The following SIRT1 variants were observed in gnomAD, a reference collection of about 807,000 sequenced individuals.
SIRT1 encodes sirtuin 1.
SIRT1 carries 24 observed loss-of-function variants against 67.9 expected under a neutral mutation model. The ratio of observed to expected loss-of-function variants is 0.35; its 90% CI spans 0.26 to 0.50. The LOEUF is 0.50. Ranked by LOEUF, SIRT1 falls within the 20% of genes least tolerant of loss-of-function variation. SIRT1 has a pLI of 0.98. For synonymous variants in SIRT1, 378 were observed against 350.7 expected (o/e 1.08, Z -0.87); for missense variants, 873 against 937.2 (o/e 0.93, Z 0.89).
intron 7 of SIRT1, among the ~76,000 whole-genome samples, chr10:67,911,851 T>C (rs1197211079): frequency 2.9e-5 from 4 of 136,690 alleles, no homozygotes; most frequent in Non-Finnish European, 6.2e-5. Context: ...TGATCTCGGC[T>C]CACTGCAGTC....
At chr10:67,886,509 T>A (rs1369778215) in intron 1 of SIRT1, among the ~76,000 whole-genome samples, 3 of 143,040 alleles carry the variant, frequency 2.1e-5, no homozygotes, top group Non-Finnish European at 4.5e-5. Flanking sequence ...TGAGCTGTGA[T>A]CCTGCCACTG....
chr10:67,897,797 C>CT (rs1842681178), intron 4 of SIRT1, among the ~76,000 whole-genome samples: 1 of 151,982 alleles, frequency 6.6e-6, no homozygotes, highest in Non-Finnish European at 1.5e-5. Flanking sequence ...TTCGCCCAGC[C>CT]TGCACTGTGT....
In SIRT1 at chr10:67,884,684, A is replaced by AGGAGGCGAG; in HGVS notation, c.-32_-24dup. ...AGTGCCGCGCGTCGAGCGGGAGCAGAGGAGGCGAGGGAGGAGGGCCAGAGA... is the reference window on the plus strand; with the variant it reads ...AGTGCCGCGCGTCGAGCGGGAGCAGAGGAGGCGAGGGAGGCGAGGGAGGAGGGCCAGAGA... On this transcript the variant is annotated 5_prime_UTR_variant, in exon 1 of 9. Transcript: ENST00000212015. The AGGAGGCGAG allele has an allele frequency of 8.2e-7, 1 of 1,226,500 alleles. No individual in the cohort carries two copies. Among genetic ancestry groups the AGGAGGCGAG allele is most frequent in the Non-Finnish European group, 1.0e-6 (1 of 984,710 alleles). The allele number at this position is 1,226,500 out of a possible 1,614,324, so 76.0% of individuals were successfully genotyped here. A position where few individuals can be genotyped will look rare whatever the true frequency, so the allele number is the denominator to read the frequency against.
intron 4 of SIRT1, among the ~76,000 whole-genome samples, chr10:67,901,795 CTAAGCAT>C (rs34216645): frequency 0.029 from 4,450 of 152,228 alleles, 224 homozygotes; most frequent in African/African-American, 0.1. Context: ...AGGCTGTGAG[CTAAGCAT>C]TAAGCATTAA....
chr10:67,888,300 A>AATTT (rs951657993), intron 2 of SIRT1, among the ~76,000 whole-genome samples: 1 of 152,084 alleles, frequency 6.6e-6, no homozygotes, highest in African/African-American at 2.4e-5. Flanking sequence ...TGGTGTCTGT[A>AATTT]ATTTATTTAT....
chr10:67,885,334 G>T, intron 1 of SIRT1, 183 bp downstream of exon 1: 1 of 1,239,522 alleles, frequency 8.1e-7, no homozygotes, highest in Non-Finnish European at 1.0e-6. Context: ...CGAGCTGCCA[G>T]TGGATTCGCT....
intron 4 of SIRT1, among the ~76,000 whole-genome samples, chr10:67,899,724 A>G (rs754553217): frequency 3.0e-4 from 46 of 152,256 alleles, no homozygotes; most frequent in Non-Finnish European, 6.5e-4. Context: ...TGAGTCTCCT[A>G]TTGATAGGTA....
At chr10:67,911,233 G>C (rs185300503) in intron 7 of SIRT1, among the ~76,000 whole-genome samples, 339 of 152,290 alleles carry the variant, frequency 2.2e-3, no homozygotes, top group African/African-American at 7.9e-3. Flanking sequence ...TCTTGCTGTA[G>C]CTCAGGCTAG....
chr10:67,891,586 C>G, intron 4 of SIRT1, 32 bp downstream of exon 4: 1 of 1,606,546 alleles, frequency 6.2e-7, no homozygotes. Context: ...GTTTCTTTGG[C>G]CTTCTCTCAT....
chr10:67,905,154 A>G (rs531705391), intron 4 of SIRT1, among the ~76,000 whole-genome samples: 73 of 152,316 alleles, frequency 4.8e-4, no homozygotes, highest in African/African-American at 1.8e-3. Context: ...GTTGCCTAGC[A>G]TATTCTCATA....
At position 67,887,446 on chromosome 10, in the gene SIRT1, A is replaced by G. The variant is rs1451869566; in HGVS notation, c.460A>G (p.Thr154Ala). 6.2e-6 allele frequency: 10 copies of G among 1,613,572 alleles called. No individual in the cohort carries two copies. Among genetic ancestry groups the G allele is most frequent in the Admixed American group, 3.3e-5 (2 of 59,972 alleles). The change falls in exon 2 of 9, where the codon ACT becomes GCT. Residue 154 changes from threonine (T) to alanine (A), a missense_variant. Physicochemically the swap from Thr to Ala is moderately conservative, Grantham distance 58. This residue lies in a region of SIRT1 where 327 missense variants were observed against 283.9 expected (regional missense o/e 1.15). Coordinates refer to ENST00000212015, the MANE Select transcript of SIRT1 (RefSeq NM_012238.5). Reference sequence around the variant, plus strand: ...CCTTCTGTTCGGTGATGAAATTATCACTAATGGTTTTCATTCCTGTGAAAG... The same window carrying G: ...CCTTCTGTTCGGTGATGAAATTATCGCTAATGGTTTTCATTCCTGTGAAAG... ...DNLLFGDEII[T>A]NGFHSCESDE...
Position 67,908,204 on chromosome 10 carries a change from C to G in SIRT1, c.1170+79C>G. The G allele has an allele frequency of 4.2e-6, 5 of 1,191,780 alleles. No individual in the cohort carries two copies. The South Asian group carries it at 6.5e-5, about 16-fold the overall frequency. 73.8% of individuals were successfully genotyped at this position (1,191,780 alleles called of 1,614,324 possible). On this transcript the variant is annotated intron_variant, in intron 6 of 8. Transcript: ENST00000212015. ...TTTTGCCTCAAAATCCTTTTTTACC[C>G]CTTTAAAGTATATATGGTACAGAAA...
intron 4 of SIRT1, among the ~76,000 whole-genome samples, chr10:67,902,993 A>G (rs929250153): frequency 4.6e-5 from 7 of 152,140 alleles, no homozygotes; most frequent in Non-Finnish European, 1.0e-4. Context: ...TGGGAGGCTG[A>G]GGTGGGAGAA....
chr10:67,900,331 A>G (rs1409259214), intron 4 of SIRT1, among the ~76,000 whole-genome samples: 1 of 151,620 alleles, frequency 6.6e-6, no homozygotes, highest in Non-Finnish European at 1.5e-5. Context: ...TTTAGTAGAG[A>G]TGGGGGTTTC....
At position 67,912,628 on chromosome 10, in the gene SIRT1, T is replaced by G. The variant is rs201214173; in HGVS notation, c.1512T>G (p.Pro504=). The G allele has an allele frequency of 1.5e-5, 24 of 1,614,170 alleles. No individual in the cohort carries two copies. In the East Asian group the frequency reaches 5.1e-4, roughly 34 times the overall value. The change falls in exon 8 of 9, where the codon CCT becomes CCG. Residue 504 remains proline, a synonymous_variant. Transcript: ENST00000212015. ...AATATGCCAAACTTTGCTGTAACCC[T>G]GTAAAGCTTTCAGAAATTACTGAAA... ...GGEYAKLCCN[P]VKLSEITEKP...
chr10:67,887,609 T>C (rs1233932075), intron 2 of SIRT1, 76 bp downstream of exon 2: 5 of 1,006,828 alleles, frequency 5.0e-6, no homozygotes, highest in Non-Finnish European at 7.6e-6. Context: ...AGAGTTTCGC[T>C]CTTGTTGCGG....
intron 6 of SIRT1, among the ~76,000 whole-genome samples, chr10:67,908,562 A>G (rs564125383): frequency 6.6e-6 from 1 of 152,348 alleles, no homozygotes; most frequent in South Asian, 2.1e-4. Flanking sequence ...GCTTAGCAAT[A>G]TATGGAGGTA....
At chr10:67,887,286 A>T in intron 1 of SIRT1, 131 bp from the exon 2 acceptor site, 1 of 641,102 alleles carries the variant, frequency 1.6e-6, no homozygotes, top group Non-Finnish European at 2.8e-6. Flanking sequence ...AGCTGACCCC[A>T]TAGGCATGCT....
intron 8 of SIRT1, 66 bp from the exon 9 acceptor site, chr10:67,916,199 T>A: frequency 7.2e-7 from 1 of 1,393,582 alleles, no homozygotes; most frequent in Non-Finnish European, 9.9e-7. Context: ...CACACTTCAT[T>A]CCAGACTGCT....
Sources: gnomAD v4.1 joint callset for allele counts (sites outside exome capture counted in the v4.1 genomes callset) on GRCh38, gnomAD v4.1.1 for gene constraint, gnomAD v4.1.1 regional missense constraint, MANE v1.5 for transcripts, NCBI Gene and HGNC (gene_info 2026-07-23, HGNC 2026-07-21) for gene names.